Variants in IGSF3 observed in about 807,000 individuals in gnomAD.
IGSF3 encodes immunoglobulin superfamily member 3.
In IGSF3, 23 loss-of-function variants were observed where a neutral mutation model predicts 114.4. That is an observed-to-expected ratio of 0.20 (90% CI 0.14 to 0.28). The LOEUF (loss-of-function observed/expected upper bound fraction) is 0.28, where lower values mean the gene tolerates loss of function less well. Ranked by LOEUF, IGSF3 falls within the 10% of genes least tolerant of loss-of-function variation. The pLI is 1.00. For missense variants in IGSF3, 1,172 were observed against 1,591.5 expected, an observed-to-expected ratio of 0.74 and a Z score of 4.48; for synonymous variants, 571 against 645.2, an observed-to-expected ratio of 0.88 and a Z score of 1.74.
At position 116,588,555 on chromosome 1, in the gene IGSF3, G is replaced by A; in HGVS notation, c.2440+139C>T. ...TGGGATTGCAGTGTGCTAGGGTGAT[G>A]GTCCGTGTACCTGCACCCATACTCA... On this transcript the variant is annotated intron_variant, in intron 8 of 10. Transcript: ENST00000369486. The surrounding 1 kb of genome is among the most constrained non-coding windows in gnomAD (Gnocchi z 4.9). 2 of 761,276 alleles carry A rather than the reference G, an allele frequency of 2.6e-6. No individual in the cohort carries two copies. Among genetic ancestry groups the A allele is most frequent in the Non-Finnish European group, 4.2e-6 (2 of 471,652 alleles). The allele number at this position is 761,276 out of a possible 1,614,324, so 47.2% of individuals were successfully genotyped here.
rs1661157151 is a variant in IGSF3, at chr1:116,614,836, C to G, written c.422-661G>C. Among the ~76,000 whole-genome samples the G allele has an allele frequency of 1.3e-5, 2 of 152,206 alleles. No individual in the cohort carries two copies. Among genetic ancestry groups the G allele is most frequent in the Non-Finnish European group, 2.9e-5 (2 of 68,012 alleles). On this transcript the variant is annotated intron_variant, in intron 3 of 10. Coordinates refer to ENST00000369486, the MANE Select transcript of IGSF3 (RefSeq NM_001007237.3). This position sits in a 1 kb window ranked among gnomAD's most constrained non-coding sequence, Gnocchi z 4.5. ...AAGAGAAGAGATTTTCTCCGTGATC[C>G]CTTGGTCAGAATCATACCCTGATCC...
At position 116,650,377 on chromosome 1, in the gene IGSF3, C is replaced by T. The variant is rs2101069112; in HGVS notation, c.43+15907G>A. On this transcript the variant is annotated intron_variant, in intron 2 of 10. Coordinates refer to ENST00000369486, the MANE Select transcript of IGSF3 (RefSeq NM_001007237.3). The surrounding 1 kb of genome is among the most constrained non-coding windows in gnomAD (Gnocchi z 5.0). ...CCGAGAATCTAGTGAAAGAAGCTGT[C>T]CCTTCTGCATTTCCTTTTACAATGA... Among the ~76,000 whole-genome samples the T allele has an allele frequency of 6.6e-6, 1 of 152,286 alleles. No individual in the cohort carries two copies. Among genetic ancestry groups the T allele is most frequent in the East Asian group, 1.9e-4 (1 of 5,178 alleles).
intron 2 of IGSF3, among the ~76,000 whole-genome samples, chr1:116,626,547 T>C (rs897598782): frequency 6.6e-6 from 1 of 152,190 alleles, no homozygotes; most frequent in Non-Finnish European, 1.5e-5. Context: ...TGCTTATCCT[T>C]TCCCCACCTG....
Position 116,575,716 on chromosome 1 carries a change from G to GT in IGSF3, c.*1595dup, listed in dbSNP as rs1659315913. The GT allele has an allele frequency of 6.6e-6, 1 of 152,228 alleles. No homozygotes were observed. Among genetic ancestry groups the GT allele is most frequent in the Admixed American group, 6.5e-5 (1 of 15,280 alleles). The allele number at this position is 152,228 out of a possible 1,614,324, so 9.4% of individuals were successfully genotyped here. On this transcript the variant is annotated 3_prime_UTR_variant, in exon 11 of 11. Coordinates refer to ENST00000369486, the MANE Select transcript of IGSF3 (RefSeq NM_001007237.3). This position sits in a 1 kb window ranked among gnomAD's most constrained non-coding sequence, Gnocchi z 5.6. ...GCCAGAAAAATATGGGAAAGCAAGGGTATAAGAACATCTTCATAAAGGGAG... is the reference window on the plus strand; with the variant it reads ...GCCAGAAAAATATGGGAAAGCAAGGGTTATAAGAACATCTTCATAAAGGGAG...
In IGSF3 at chr1:116,616,217, A is replaced by G. The variant is rs1197430180; in HGVS notation, c.284T>C (p.Ile95Thr). 14 of 1,613,908 alleles carry G rather than the reference A, an allele frequency of 8.7e-6. No individual in the cohort carries two copies. The highest frequency in any genetic ancestry group is 1.1e-5 in the Non-Finnish European group (13 of 1,179,870). ...GGTTGAGTTCCCCTGGACTCTTTCTATGAAGATCTTCCCTCCGCGGACGCG... is the reference window on the plus strand; with the variant it reads ...GGTTGAGTTCCCCTGGACTCTTTCTGTGAAGATCTTCCCTCCGCGGACGCG... ...TQRVRGGKIF[I>T]ERVQGNSTLL... The change falls in exon 3 of 11, where the codon ATA becomes ACA. Residue 95 changes from isoleucine to threonine, a missense_variant. By Grantham distance (89) the Ile-to-Thr change is moderately conservative (BLOSUM62 -1). Coordinates refer to ENST00000369486, the MANE Select transcript of IGSF3 (RefSeq NM_001007237.3). This position sits in a 1 kb window ranked among gnomAD's most constrained non-coding sequence, Gnocchi z 6.6.
chr1:116,631,144 C>T (rs1647555501), intron 2 of IGSF3, among the ~76,000 whole-genome samples: 2 of 151,784 alleles, frequency 1.3e-5, no homozygotes, highest in South Asian at 4.2e-4. Context: ...CAGTGAAACC[C>T]CGTCTCTACT....
chr1:116,580,202 G>C (rs922576798), intron 9 of IGSF3, among the ~76,000 whole-genome samples: 1 of 152,320 alleles, frequency 6.6e-6, no homozygotes, highest in Non-Finnish European at 1.5e-5. Context: ...ATCCCGGGGG[G>C]AAGAGGTGTT....
chr1:116,591,121 C>G (rs1296145079), intron 7 of IGSF3, among the ~76,000 whole-genome samples: 4 of 151,992 alleles, frequency 2.6e-5, no homozygotes, highest in Non-Finnish European at 5.9e-5. Flanking sequence ...TGCAGAAAGT[C>G]CTCTAGGGCA....
In IGSF3 at chr1:116,592,349, G is replaced by C. The variant is rs767447553; in HGVS notation, c.2030-3245C>G. Among the ~76,000 whole-genome samples the C allele has an allele frequency of 2.0e-5, 3 of 152,252 alleles. No homozygotes were observed. The highest frequency in any genetic ancestry group is 4.4e-5 in the Non-Finnish European group (3 of 68,044). On this transcript the variant is annotated intron_variant, in intron 7 of 10. Transcript: ENST00000369486. The surrounding 1 kb of genome is among the most constrained non-coding windows in gnomAD (Gnocchi z 4.5). ...GCAGGAGGAAGAAAGAATCCAGCAA[G>C]AGACAGGAAGAGGGTCCGAGAGTTG...
In IGSF3 at chr1:116,598,359, G is replaced by A. The variant is rs968097920; in HGVS notation, c.2029+1582C>T. 6.6e-6 allele frequency among the ~76,000 whole-genome samples: 1 copy of A among 152,178 alleles called. No homozygotes were observed. Among genetic ancestry groups the A allele is most frequent in the Non-Finnish European group, 1.5e-5 (1 of 68,038 alleles). On this transcript the variant is annotated intron_variant, in intron 7 of 10. Coordinates refer to ENST00000369486, the MANE Select transcript of IGSF3 (RefSeq NM_001007237.3). This position sits in a 1 kb window ranked among gnomAD's most constrained non-coding sequence, Gnocchi z 4.3. ...CACAACAAGGGTTCACATAAAATGG[G>A]GTCTCTGCTTAACCTTCCATTAACC...
intron 2 of IGSF3, among the ~76,000 whole-genome samples, chr1:116,653,968 A>AT (rs1648744002): frequency 6.6e-6 from 1 of 152,242 alleles, no homozygotes; most frequent in African/African-American, 2.4e-5. Context: ...TCAGCAAGCT[A>AT]TTTTTTGTAC....
intron 2 of IGSF3, among the ~76,000 whole-genome samples, chr1:116,621,080 T>C (rs4044819): frequency 6.6e-6 from 1 of 152,296 alleles, no homozygotes; most frequent in African/African-American, 2.4e-5. Flanking sequence ...GTGCTGTGCT[T>C]GTTAGAGTTC....
In IGSF3 at chr1:116,661,680, C is replaced by T. The variant is rs1274830012; in HGVS notation, c.43+4604G>A. Among the ~76,000 whole-genome samples the T allele has an allele frequency of 1.3e-5, 2 of 152,156 alleles. No homozygotes were observed. Among genetic ancestry groups the T allele is most frequent in the African/African-American group, 4.8e-5 (2 of 41,432 alleles). ...CTGGCTTCAAAACCCTACTCTGCCA[C>T]TTTTTAGCTTTGTGACTATGGCAGA... On this transcript the variant is annotated intron_variant, in intron 2 of 10. Coordinates refer to ENST00000369486, the MANE Select transcript of IGSF3 (RefSeq NM_001007237.3). The surrounding 1 kb of genome is among the most constrained non-coding windows in gnomAD (Gnocchi z 4.0).
At position 116,603,146 on chromosome 1, in the gene IGSF3, A is replaced by C. The variant is rs1007441376; in HGVS notation, c.1624+478T>G. Among the ~76,000 whole-genome samples the C allele has an allele frequency of 3.3e-5, 5 of 152,344 alleles. No homozygotes were observed. Among genetic ancestry groups the C allele is most frequent in the African/African-American group, 9.6e-5 (4 of 41,566 alleles). On this transcript the variant is annotated intron_variant, in intron 6 of 10. Transcript: ENST00000369486. This position sits in a 1 kb window ranked among gnomAD's most constrained non-coding sequence, Gnocchi z 7.1. ...GTAAATGCTAAATAAATGACAACAG[A>C]TGATTTTATACCCTTCTCTGCTCTC...
In IGSF3 at chr1:116,639,949, A is replaced by ACTTGAACC. The variant is rs1288349459; in HGVS notation, c.44-23500_44-23493dup. Among the ~76,000 whole-genome samples the ACTTGAACC allele has an allele frequency of 2.0e-5, 3 of 151,008 alleles. No individual in the cohort carries two copies. In the Admixed American group the frequency reaches 2.0e-4, roughly 10 times the overall value. On this transcript the variant is annotated intron_variant, in intron 2 of 10. Transcript: ENST00000369486. ...CTCAGGAGGCTGAGGCAGGAGAATCACTTGAACCCTTACCCAGGAGACAGA... is the reference window on the plus strand; with the variant it reads ...CTCAGGAGGCTGAGGCAGGAGAATCACTTGAACCCTTGAACCCTTACCCAGGAGACAGA...
intron 2 of IGSF3, among the ~76,000 whole-genome samples, 190 bp downstream of exon 2, chr1:116,666,094 T>A (rs751184882): frequency 2.2e-4 from 34 of 152,088 alleles, no homozygotes; most frequent in Non-Finnish European, 3.4e-4. Flanking sequence ...AGATAACAAA[T>A]GATATTCCAC....
chr1:116,650,069 A>G lies in IGSF3; in HGVS notation c.43+16215T>C, dbSNP rs1305582366. On this transcript the variant is annotated intron_variant, in intron 2 of 10. Coordinates refer to ENST00000369486, the MANE Select transcript of IGSF3 (RefSeq NM_001007237.3). This position sits in a 1 kb window ranked among gnomAD's most constrained non-coding sequence, Gnocchi z 5.0. ...CCCCTCTCCTTTCTGCCTTACCACA[A>G]AGCTAAGCTCTGTCTCTGAATAATG... Among the ~76,000 whole-genome samples, 2 of 152,120 alleles carry G rather than the reference A, an allele frequency of 1.3e-5. No individual in the cohort carries two copies. The highest frequency in any genetic ancestry group is 6.5e-5 in the Admixed American group (1 of 15,274).
chr1:116,643,290 C>G (rs753353720), intron 2 of IGSF3, among the ~76,000 whole-genome samples: 1 of 152,206 alleles, frequency 6.6e-6, no homozygotes, highest in African/African-American at 2.4e-5. Context: ...ACCCCTCCCA[C>G]GCCACCTCTC....
At position 116,629,981 on chromosome 1, in the gene IGSF3, T is replaced by G. The variant is rs1214003030; in HGVS notation, c.44-13524A>C. Among the ~76,000 whole-genome samples the G allele has an allele frequency of 6.6e-6, 1 of 152,164 alleles. No individual in the cohort carries two copies. Among genetic ancestry groups the G allele is most frequent in the Non-Finnish European group, 1.5e-5 (1 of 68,022 alleles). The stretch of plus-strand genomic sequence containing the variant: ...GGAAGGCACCTGAATGACAGATGGT[T>G]TGAGGAATCTTGAGAAAGCAGAAGT... On this transcript the variant is annotated intron_variant, in intron 2 of 10. Transcript: ENST00000369486. This position sits in a 1 kb window ranked among gnomAD's most constrained non-coding sequence, Gnocchi z 4.3.
Sources: gnomAD v4.1 joint callset for allele counts (sites outside exome capture counted in the v4.1 genomes callset) on GRCh38, gnomAD v4.1.1 for gene constraint, Gnocchi (gnomAD v3.1) non-coding constraint, MANE v1.5 for transcripts, NCBI Gene and HGNC (gene_info 2026-07-23, HGNC 2026-07-21) for gene names.